BRF1: variants seen among roughly 807,000 people sequenced by gnomAD.
BRF1 encodes BRF1 general transcription factor IIIB subunit, also known as transcription factor IIIB 90 kDa subunit.
Under a neutral mutation model 81.7 loss-of-function variants are expected in BRF1, and 59 were observed. The ratio of observed to expected loss-of-function variants is 0.72; its 90% CI spans 0.59 to 0.90. BRF1 has a LOEUF of 0.90. Ranked by LOEUF, BRF1 falls within the 40% of genes least tolerant of loss-of-function variation. The pLI is 0.00. For synonymous variants in BRF1, 491 were observed against 395.6 expected, an observed-to-expected ratio of 1.24 and a Z score of -2.86; for missense variants, 1,050 against 936.3, an observed-to-expected ratio of 1.12 and a Z score of -1.58.
At chr14:105,265,080 T>G (rs1566849053) in intron 3 of BRF1, among the ~76,000 whole-genome samples, 1 of 149,944 alleles carries the variant, frequency 6.7e-6, no homozygotes, top group African/African-American at 2.5e-5. Context: ...TTTGTTTTTT[T>G]AGAGACAGGG....
rs587654062 is a variant in BRF1 at position 105,210,673 on chromosome 14, C to T, written c.1997-85G>A. The T allele has an allele frequency of 5.8e-5, 85 of 1,471,508 alleles. No homozygotes were observed. The East Asian group carries it at 2.0e-3, about 34-fold the overall frequency. The allele number at this position is 1,471,508 out of a possible 1,614,324, so 91.2% of individuals were successfully genotyped here. On this transcript the variant is annotated intron_variant, in intron 17 of 17. Coordinates refer to ENST00000547530, the MANE Select transcript of BRF1 (RefSeq NM_001519.4). The surrounding 1 kb of genome is among the most constrained non-coding windows in gnomAD (Gnocchi z 4.7). ...CCCAACCCGCCCTGTTCCTGGTGCC[C>T]CCCTAGAAGACTCAGGCTCCAGCCC...
At chr14:105,248,633 G>T in intron 5 of BRF1, 5 of 979,588 alleles carry the variant, frequency 5.1e-6, no homozygotes, top group Non-Finnish European at 4.8e-6. Flanking sequence ...GCGCTAGGCT[G>T]GGCTCGGGCA....
upstream of BRF1, among the ~76,000 whole-genome samples, chr14:105,305,360 C>A (rs1300323796): frequency 6.6e-6 from 1 of 152,128 alleles, no homozygotes; most frequent in Non-Finnish European, 1.5e-5. Context: ...TGAGATCACA[C>A]CACTCCACTC....
At chr14:105,261,562 TC>T (rs2056152280) in intron 3 of BRF1, among the ~76,000 whole-genome samples, 1 of 152,178 alleles carries the variant, frequency 6.6e-6, no homozygotes, top group Non-Finnish European at 1.5e-5. Flanking sequence ...AGACACACTT[TC>T]CTTACATGGA....
chr14:105,288,802 T>G (rs2057411871), intron 1 of BRF1, among the ~76,000 whole-genome samples: 1 of 151,474 alleles, frequency 6.6e-6, no homozygotes, highest in Non-Finnish European at 1.5e-5. Context: ...CCCGGCTAAT[T>G]TTTTGTGTTT....
At chr14:105,220,419 A>G (rs911528202) in intron 11 of BRF1, among the ~76,000 whole-genome samples, 4 of 152,194 alleles carry the variant, frequency 2.6e-5, no homozygotes, top group African/African-American at 9.7e-5. Flanking sequence ...AGAACAGGAG[A>G]CAGAGGCTGT....
rs745688763 is a variant in BRF1, at chr14:105,226,649, C to T, written c.900G>A (p.Lys300=). The change falls in exon 8 of 18, where the codon AAG becomes AAA. Residue 300 remains lysine, a synonymous_variant. Transcript: ENST00000547530. ...CCGGCGCTACCTGCTTCATCCGCAG[C>T]TTCCTCTGCCCAGCTGTGTACGAGG... is the stretch of plus-strand genomic sequence containing the variant. ...DPPSYTAGQR[K]LRMKQLEQVL... is the part of the protein sequence containing the mutation. The T allele has an allele frequency of 8.1e-6, 13 of 1,613,226 alleles. No homozygotes were observed. The Admixed American group carries it at 2.0e-4, about 25-fold the overall frequency.
At chr14:105,299,544 C>T (rs1010396516) in intron 1 of BRF1, among the ~76,000 whole-genome samples, 1 of 152,190 alleles carries the variant, frequency 6.6e-6, no homozygotes, top group Non-Finnish European at 1.5e-5. Context: ...CATTGCACAC[C>T]AGCCTGGGCC....
chr14:105,226,947 CAAAAAA>C, intron 7 of BRF1, 187 bp from the exon 8 acceptor site: 1 of 465,754 alleles, frequency 2.1e-6, no homozygotes, highest in Non-Finnish European at 3.6e-6. Flanking sequence ...TGTCTCTACC[CAAAAAA>C]AAAAAAAAAA....
At chr14:105,213,914 A>G (rs1595238420) in intron 15 of BRF1, among the ~76,000 whole-genome samples, 1 of 152,220 alleles carries the variant, frequency 6.6e-6, no homozygotes, top group Admixed American at 6.5e-5. Context: ...TCCTGTGTGA[A>G]CCTGAGGCAG....
chr14:105,253,582 C>G (rs2055723987), intron 4 of BRF1, among the ~76,000 whole-genome samples: 1 of 152,244 alleles, frequency 6.6e-6, no homozygotes, highest in African/African-American at 2.4e-5. Context: ...TAAGGGACCG[C>G]ACACAAAGGG....
At chr14:105,222,065 G>T in intron 10 of BRF1, 151 bp from the exon 11 acceptor site, 1 of 963,592 alleles carries the variant, frequency 1.0e-6, no homozygotes, top group Non-Finnish European at 1.5e-6. Context: ...ACGAGCCTCA[G>T]CCCACACCTC....
In BRF1 at chr14:105,248,235, G is replaced by A. The variant is rs587600404; in HGVS notation, c.544+4272C>T. On this transcript the variant is annotated intron_variant, in intron 5 of 17. Transcript: ENST00000547530. The stretch of plus-strand genomic sequence containing the variant: ...ATCTGAACGAACGAGGAAGCCCAAC[G>A]ACCATCCCACAGGCCGCGGCCAGAG... The A allele has an allele frequency of 3.9e-4, 386 of 985,498 alleles. 1 individual carries two copies. In the African/African-American group the frequency reaches 6.0e-3, roughly 15 times the overall value. 61.0% of individuals were successfully genotyped at this position (985,498 alleles called of 1,614,324 possible).
At chr14:105,214,963 C>A (rs974587396) in intron 15 of BRF1, among the ~76,000 whole-genome samples, 1 of 152,208 alleles carries the variant, frequency 6.6e-6, no homozygotes, top group Non-Finnish European at 1.5e-5. Flanking sequence ...GGTAGACCCC[C>A]TCTCCCCTGC....
rs1197266242 is a variant in BRF1, at chr14:105,313,315, AC to A, written c.-162+2006del. Among the ~76,000 whole-genome samples, 4 of 151,916 alleles carry A rather than the reference AC, an allele frequency of 2.6e-5. No individual in the cohort carries two copies. In the East Asian group the frequency reaches 7.7e-4, roughly 29 times the overall value. On this transcript the variant is annotated intron_variant, in intron 1 of 17. Transcript: ENST00000327359. ...CAGCCTGTCCTCCTGGGGTATGGCTACCCCCTCTCTGGACATAGTCACTTCT... is the reference window on the plus strand; with the variant it reads ...CAGCCTGTCCTCCTGGGGTATGGCTACCCCTCTCTGGACATAGTCACTTCT...
rs74892028 is a variant in BRF1 at position 105,217,168 on chromosome 14, G to A, written c.1772+376C>T. On this transcript the variant is annotated intron_variant, in intron 15 of 17. Transcript: ENST00000547530. The stretch of plus-strand genomic sequence containing the variant: ...TCTCACCCATCACCTCAGCAGAGAC[G>A]GCAATGCAGCCAGGGTGCGCAGAGC... 8.6e-3 allele frequency: 2,883 copies of A among 336,288 alleles called. 81 individuals carry two copies. Among genetic ancestry groups the A allele is most frequent in the Admixed American group, 0.064 (1,466 of 23,044 alleles). The allele number at this position is 336,288 out of a possible 1,614,324, so 20.8% of individuals were successfully genotyped here.
rs1360332353 is a variant in BRF1 at position 105,209,432 on chromosome 14, G to A, written c.*1119C>T. On this transcript the variant is annotated 3_prime_UTR_variant, in exon 18 of 18. Transcript: ENST00000547530. ...GCCTGCTGCGGGCCAAGTTGGGGCA[G>A]GACATACAGCCCATTCCATGGGGAG... 2 of 688,944 alleles carry A rather than the reference G, an allele frequency of 2.9e-6. No homozygotes were observed. The highest frequency in any genetic ancestry group is 5.3e-6 in the Non-Finnish European group (2 of 378,160). The allele number at this position is 688,944 out of a possible 1,614,324, so 42.7% of individuals were successfully genotyped here.
chr14:105,249,036 C>T (rs2140281739), intron 5 of BRF1: 1 of 1,252,324 alleles, frequency 8.0e-7, no homozygotes, highest in Middle Eastern at 3.2e-4. Context: ...CGGCAACAAC[C>T]ACCAGGAGAG....
rs911407005 is a variant in BRF1, at chr14:105,267,247, T to C, written c.439+5474A>G. ...AGACACCACCGACAAGGGGCCCACA[T>C]GGGCCCACGCTGGGTGTGCCGGTGT... On this transcript the variant is annotated intron_variant, in intron 3 of 17. Transcript: ENST00000547530. 2.5e-4 allele frequency among the ~76,000 whole-genome samples: 38 copies of C among 151,766 alleles called. 1 individual carries two copies. Among genetic ancestry groups the C allele is most frequent in the African/African-American group, 4.3e-4 (18 of 41,424 alleles).
Sources: allele counts gnomAD v4.1 joint callset (sites outside exome capture counted in the v4.1 genomes callset), GRCh38; gene constraint gnomAD v4.1.1; non-coding constraint Gnocchi (gnomAD v3.1); transcripts MANE v1.5; gene names NCBI Gene and HGNC (gene_info 2026-07-23, HGNC 2026-07-21).